PALLD: variants seen among roughly 807,000 people sequenced by gnomAD.
PALLD encodes palladin.
A neutral mutation model predicts 123.5 loss-of-function variants in PALLD; 61 were observed. The observed-to-expected ratio is 0.49, with a 90% CI of 0.40 to 0.61. The LOEUF is 0.61. Ranked by LOEUF, PALLD falls within the 20% of genes least tolerant of loss-of-function variation. The probability of loss-of-function intolerance (pLI) is 0.00; values close to 1 mark genes in which losing one functional copy is unlikely to be tolerated. For missense variants in PALLD, 1,273 were observed against 1,377.0 expected (o/e 0.92, Z 1.20); for synonymous variants, 465 against 496.4 (o/e 0.94, Z 0.84).
rs563805338 is a variant in PALLD, at chr4:168,910,771, T to G, written c.2623-3156T>G. 3.4e-3 allele frequency among the ~76,000 whole-genome samples: 516 copies of G among 151,752 alleles called. 4 individuals are homozygous for G. Among genetic ancestry groups the G allele is most frequent in the African/African-American group, 0.011 (437 of 41,056 alleles). ...GGGACAGCAGAACTGGTTTACAAACTTAGACTGATTCCAGAGCTACTGAAT... is the reference window on the plus strand; with the variant it reads ...GGGACAGCAGAACTGGTTTACAAACGTAGACTGATTCCAGAGCTACTGAAT... On this transcript the variant is annotated intron_variant, in intron 15 of 21. Coordinates refer to ENST00000505667, the MANE Select transcript of PALLD (RefSeq NM_001166108.2).
intron 8 of PALLD, among the ~76,000 whole-genome samples, chr4:168,705,914 A>T (rs1159118974): frequency 6.6e-6 from 1 of 152,218 alleles, no homozygotes; most frequent in African/African-American, 2.4e-5. Context: ...AAGTGCTGGG[A>T]TTACAGGCAT....
intron 10 of PALLD, among the ~76,000 whole-genome samples, chr4:168,857,433 C>T (rs565232698): frequency 1.3e-5 from 2 of 152,190 alleles, no homozygotes; most frequent in African/African-American, 2.4e-5. Flanking sequence ...ATAGTCCTTA[C>T]GTCAAGATGA....
chr4:168,638,295 A>G (rs902415489), intron 2 of PALLD, among the ~76,000 whole-genome samples: 2 of 152,220 alleles, frequency 1.3e-5, no homozygotes, highest in Non-Finnish European at 2.9e-5. Context: ...ACAGAGACAA[A>G]GCGGAAACCA....
chr4:168,680,202 G>C (rs1781402590), intron 3 of PALLD, among the ~76,000 whole-genome samples: 1 of 151,970 alleles, frequency 6.6e-6, no homozygotes, highest in African/African-American at 2.4e-5. Flanking sequence ...TCCAGGCCAT[G>C]TGCGGTGGCT....
intron 10 of PALLD, among the ~76,000 whole-genome samples, chr4:168,791,919 CAAA>C (rs934909264): frequency 6.6e-6 from 1 of 151,456 alleles, no homozygotes; most frequent in Non-Finnish European, 1.5e-5. Flanking sequence ...AGCAAACAAA[CAAA>C]AAAAACTGCT....
At chr4:168,851,132 C>G (rs1747715431) in intron 10 of PALLD, among the ~76,000 whole-genome samples, 1 of 152,140 alleles carries the variant, frequency 6.6e-6, no homozygotes, top group Non-Finnish European at 1.5e-5. Context: ...CCATGTGTCT[C>G]TAACCTGCCA....
intron 10 of PALLD, among the ~76,000 whole-genome samples, chr4:168,887,944 G>T (rs898318977): frequency 6.6e-6 from 1 of 152,136 alleles, no homozygotes; most frequent in African/African-American, 2.4e-5. Context: ...TGGTAAGGGA[G>T]AGACAATATG....
At chr4:168,805,998 C>T (rs1419131537) in intron 10 of PALLD, among the ~76,000 whole-genome samples, 6 of 152,076 alleles carry the variant, frequency 3.9e-5, no homozygotes, top group Admixed American at 6.5e-5. Flanking sequence ...ATCATGGGGG[C>T]GGACGTTCCC....
At chr4:168,836,141 T>C (rs1030061755) in intron 10 of PALLD, among the ~76,000 whole-genome samples, 3 of 152,282 alleles carry the variant, frequency 2.0e-5, no homozygotes, top group Middle Eastern at 3.4e-3. Context: ...CCTTGTGTAT[T>C]TTGGATAATG....
intron 12 of PALLD, among the ~76,000 whole-genome samples, chr4:168,895,474 CAA>C (rs1404485614): frequency 1.3e-5 from 2 of 152,178 alleles, no homozygotes; most frequent in African/African-American, 2.4e-5. Flanking sequence ...TTACTGATAA[CAA>C]AGAGTTGATT....
rs775369761 is a variant in PALLD, at chr4:168,890,902, C to T, written c.1965-20C>T. On this transcript the variant is annotated intron_variant, in intron 10 of 21. Transcript: ENST00000505667. The stretch of plus-strand genomic sequence containing the variant: ...TATGCCTGACAACTAACTATACTGC[C>T]TTGTGTTTTTATCCTGCAGAGGATT... The T allele has an allele frequency of 6.2e-7, 1 of 1,613,662 alleles. No individual in the cohort carries two copies. The highest frequency in any genetic ancestry group is 1.1e-5 in the South Asian group (1 of 91,068).
chr4:168,530,936 G>A (rs1764541692), intron 2 of PALLD, among the ~76,000 whole-genome samples: 1 of 152,156 alleles, frequency 6.6e-6, no homozygotes, highest in African/African-American at 2.4e-5. Flanking sequence ...AACAGGGAAT[G>A]TCCCCCTCCT....
At chr4:168,772,689 C>A (rs1407214964) in intron 10 of PALLD, among the ~76,000 whole-genome samples, 6 of 152,154 alleles carry the variant, frequency 3.9e-5, no homozygotes, top group Non-Finnish European at 7.4e-5. Context: ...TAGTGGAGGC[C>A]AGCTTCTTGA....
intron 2 of PALLD, among the ~76,000 whole-genome samples, chr4:168,532,120 T>C (rs1764660161): frequency 6.6e-6 from 1 of 152,144 alleles, no homozygotes; most frequent in Admixed American, 6.6e-5. Context: ...CCAGTATCTG[T>C]TGTTCCCTGC....
chr4:168,535,041 A>G (rs1207818061), intron 2 of PALLD, among the ~76,000 whole-genome samples: 1 of 152,192 alleles, frequency 6.6e-6, no homozygotes, highest in African/African-American at 2.4e-5. Flanking sequence ...TATAACAACT[A>G]TTTACATAGC....
At position 168,826,414 on chromosome 4, in the gene PALLD, G is replaced by A. The variant is rs192478723; in HGVS notation, c.1965-64508G>A. 9.6e-4 allele frequency among the ~76,000 whole-genome samples: 146 copies of A among 152,212 alleles called. 1 individual carries two copies. The highest frequency in any genetic ancestry group is 1.6e-3 in the Non-Finnish European group (111 of 68,006). On this transcript the variant is annotated intron_variant, in intron 10 of 21. Coordinates refer to ENST00000505667, the MANE Select transcript of PALLD (RefSeq NM_001166108.2). ...ATATATTCCTTGGAGCTTGGACTCTGGAGTTAAGGATTTACATCTCCGCTC... is the reference window on the plus strand; with the variant it reads ...ATATATTCCTTGGAGCTTGGACTCTAGAGTTAAGGATTTACATCTCCGCTC...
chr4:168,690,669 C>A lies in PALLD; in HGVS notation c.1402C>A (p.Pro468Thr). 2 of 1,614,046 alleles carry A rather than the reference C, an allele frequency of 1.2e-6. No homozygotes were observed. ...TCTGGAGTGCCGGGTCCGTGGGGCA[C>A]CCCCTCTGCAGGTCCAGTGGTTTCG... ...VVLECRVRGA[P>T]PLQVQWFRQG... The change falls in exon 7 of 22, where the codon CCC becomes ACC. Residue 468 changes from proline (P) to threonine (T), a missense_variant. Pro to Thr is a conservative substitution (Grantham distance 38). Around this residue, in one of 2 missense-constraint regions of PALLD, gnomAD observed 944 missense variants for 954.5 expected, o/e 0.99. Transcript: ENST00000505667.
Position 168,928,018 on chromosome 4 carries a change from T to C in PALLD, c.*1838T>C, listed in dbSNP as rs1385410672. 3 of 195,250 alleles carry C rather than the reference T, an allele frequency of 1.5e-5. No homozygotes were observed. In the East Asian group the frequency reaches 2.4e-4, roughly 16 times the overall value. 12.1% of individuals were successfully genotyped at this position (195,250 alleles called of 1,614,324 possible). On this transcript the variant is annotated 3_prime_UTR_variant, in exon 22 of 22. Coordinates refer to ENST00000505667, the MANE Select transcript of PALLD (RefSeq NM_001166108.2). ...TACCACCCCATATATTTCATATTAC[T>C]GTTTCACATGTACAGCTTTCTACTT...
rs866590736 is a variant in PALLD, at chr4:168,501,692, T to C, written c.-83+4498T>C. Among the ~76,000 whole-genome samples the C allele has an allele frequency of 9.2e-5, 14 of 152,232 alleles. 1 individual carries two copies. Among genetic ancestry groups the C allele is most frequent in the South Asian group, 6.2e-4 (3 of 4,828 alleles). The stretch of plus-strand genomic sequence containing the variant: ...GGGAGAATTTCCCTTCAGAGCGCCA[T>C]GAGGTGACATGGCAGCTGCCCCCAT... On this transcript the variant is annotated intron_variant, in intron 1 of 21. Coordinates refer to ENST00000505667, the MANE Select transcript of PALLD (RefSeq NM_001166108.2).
Sources: gnomAD v4.1 joint callset for allele counts (sites outside exome capture counted in the v4.1 genomes callset) on GRCh38, gnomAD v4.1.1 for gene constraint, gnomAD v4.1.1 regional missense constraint, MANE v1.5 for transcripts, NCBI Gene and HGNC (gene_info 2026-07-23, HGNC 2026-07-21) for gene names.